TNRC6A: variants seen among roughly 807,000 people sequenced by gnomAD.
TNRC6A encodes trinucleotide repeat containing adaptor 6A.
A neutral mutation model predicts 221.2 loss-of-function variants in TNRC6A; 44 were observed. The ratio of observed to expected loss-of-function variants is 0.20; its 90% confidence interval spans 0.16 to 0.26. TNRC6A has a LOEUF of 0.26. TNRC6A is among the 10% of genes least tolerant of loss of function. The pLI is 1.00. For missense variants in TNRC6A, 2,199 were observed against 2,404.4 expected, an observed-to-expected ratio of 0.91 and a Z score of 1.79; for synonymous variants, 847 against 838.5, an observed-to-expected ratio of 1.01 and a Z score of -0.18.
At position 24,825,709 on chromosome 16, in the gene TNRC6A, C is replaced by T. The variant is rs2058849644; in HGVS notation, c.*1902C>T. 1 of 152,696 alleles carries T rather than the reference C, an allele frequency of 6.5e-6. No individual in the cohort carries two copies. The highest frequency in any genetic ancestry group is 1.5e-5 in the Non-Finnish European group (1 of 68,054). 9.5% of individuals were successfully genotyped at this position (152,696 alleles called of 1,614,324 possible). A position where few individuals can be genotyped will look rare whatever the true frequency, so the allele number is the denominator to read the frequency against. On this transcript the variant is annotated 3_prime_UTR_variant, in exon 25 of 25. Coordinates refer to ENST00000395799, the MANE Select transcript of TNRC6A (RefSeq NM_014494.4). ...GTTGCTCAAAACTCTTCTGTGACTT[C>T]ATCTTCCCCACCATTTGTGCCCATC...
At chr16:24,613,139 A>G (rs1461921304) in intron 1 of TNRC6A, among the ~76,000 whole-genome samples, 3 of 149,082 alleles carry the variant, frequency 2.0e-5, no homozygotes, top group African/African-American at 7.4e-5. Context: ...AAAAAAAAAA[A>G]AGGAATCTAT....
chr16:24,671,132 C>T (rs1228031309), intron 2 of TNRC6A: 1 of 228,272 alleles, frequency 4.4e-6, no homozygotes, highest in Admixed American at 4.7e-5. Flanking sequence ...TGACGAAGCA[C>T]CCGCCTGCTC....
Position 24,729,808 on chromosome 16 carries a change from C to T in TNRC6A, c.-34C>T. On this transcript the variant is annotated 5_prime_UTR_variant, in exon 1 of 25. Transcript: ENST00000395799. ...GGGCTTGAGGCTCGCGAGCCTCCTTCGCCGCGCCCCACTTGCTCGTGCACT... is the reference window on the plus strand; with the variant it reads ...GGGCTTGAGGCTCGCGAGCCTCCTTTGCCGCGCCCCACTTGCTCGTGCACT... 1 of 1,408,464 alleles carries T rather than the reference C, an allele frequency of 7.1e-7. No individual in the cohort carries two copies. Among genetic ancestry groups the T allele is most frequent in the Non-Finnish European group, 9.3e-7 (1 of 1,073,728 alleles). The allele number at this position is 1,408,464 out of a possible 1,614,324, so 87.2% of individuals were successfully genotyped here. A position where few individuals can be genotyped will look rare whatever the true frequency, so the allele number is the denominator to read the frequency against.
intron 15 of TNRC6A, 31 bp from the exon 16 acceptor site, chr16:24,806,175 A>G: frequency 6.2e-7 from 1 of 1,612,580 alleles, no homozygotes; most frequent in Non-Finnish European, 8.5e-7. Context: ...ATGGTGTGAT[A>G]GTAACAACCT....
intron 2 of TNRC6A, among the ~76,000 whole-genome samples, chr16:24,706,139 A>G (rs1273814068): frequency 1.3e-5 from 2 of 152,234 alleles, no homozygotes; most frequent in Non-Finnish European, 2.9e-5. Flanking sequence ...AGGAAAATGA[A>G]AGAAGAAATA....
chr16:24,765,351 C>G (rs1567441157), intron 4 of TNRC6A, among the ~76,000 whole-genome samples: 1 of 152,068 alleles, frequency 6.6e-6, no homozygotes, highest in Admixed American at 6.5e-5. Flanking sequence ...ACAGAAAAGG[C>G]CACTCACAGC....
At chr16:24,748,787 C>T (rs1047337334) in intron 2 of TNRC6A, among the ~76,000 whole-genome samples, 5 of 152,144 alleles carry the variant, frequency 3.3e-5, no homozygotes, top group Admixed American at 2.0e-4. Context: ...TCTTCAACAT[C>T]CCTACTGCCA....
chr16:24,782,398 C>G (rs1596697539), intron 5 of TNRC6A, among the ~76,000 whole-genome samples: 2 of 152,140 alleles, frequency 1.3e-5, no homozygotes, highest in South Asian at 2.1e-4. Context: ...TGGGAGGTAC[C>G]TACACCCATT....
chr16:24,757,218 C>A (rs1482613330), intron 3 of TNRC6A, among the ~76,000 whole-genome samples: 1 of 152,040 alleles, frequency 6.6e-6, no homozygotes, highest in East Asian at 1.9e-4. Flanking sequence ...TAAAACTTAG[C>A]AAAGCACTTA....
In TNRC6A at chr16:24,690,372, A is replaced by C. The variant is rs117532266; in HGVS notation, n.402+49363A>C. The stretch of plus-strand genomic sequence containing the variant: ...AACAAGGAAGGGAAATTATTTGGCC[A>C]GGAGTTCCCAATATATGGTCTTCAA... On this transcript the variant is annotated intron_variant and non_coding_transcript_variant, in intron 2 of 2. Coordinates refer to the TNRC6A transcript ENST00000566108. Among the ~76,000 whole-genome samples the C allele has an allele frequency of 4.1e-4, 63 of 152,306 alleles. No individual in the cohort carries two copies. In the East Asian group the frequency reaches 0.012, roughly 28 times the overall value.
chr16:24,745,803 C>T (rs916237997), intron 2 of TNRC6A, among the ~76,000 whole-genome samples: 4 of 148,230 alleles, frequency 2.7e-5, no homozygotes, highest in East Asian at 2.0e-4. Context: ...CATCCCCCCC[C>T]CCCCCAGCTA....
At chr16:24,691,251 T>G (rs1181456730) in intron 2 of TNRC6A, among the ~76,000 whole-genome samples, 2 of 152,114 alleles carry the variant, frequency 1.3e-5, no homozygotes, top group Non-Finnish European at 2.9e-5. Flanking sequence ...AGAGTCTTCC[T>G]CTATCACCCA....
Position 24,786,292 on chromosome 16 carries a change from T to TG in TNRC6A, c.590-2939dup, listed in dbSNP as rs199551537. ...TCAGATATAGTTCAGAGTCCTTTTTTGTTTTTTTTTGTTGTTGTTGTTGTT... is the reference window on the plus strand; with the variant it reads ...TCAGATATAGTTCAGAGTCCTTTTTTGGTTTTTTTTTGTTGTTGTTGTTGTT... On this transcript the variant is annotated intron_variant, in intron 5 of 24. Coordinates refer to ENST00000395799, the MANE Select transcript of TNRC6A (RefSeq NM_014494.4). 8.7e-3 allele frequency among the ~76,000 whole-genome samples: 1,143 copies of TG among 131,928 alleles called. 11 individuals carry two copies. The highest frequency in any genetic ancestry group is 0.031 in the African/African-American group (1,059 of 33,738). 86.5% of individuals were successfully genotyped at this position (131,928 alleles called of 152,430 possible).
intron 2 of TNRC6A, among the ~76,000 whole-genome samples, chr16:24,740,154 C>G (rs940357904): frequency 5.9e-5 from 9 of 152,200 alleles, no homozygotes; most frequent in African/African-American, 2.2e-4. Context: ...CATTATGCCA[C>G]TTCCACACTG....
Position 24,777,266 on chromosome 16 carries a change from T to C in TNRC6A, c.497T>C (p.Val166Ala). The C allele has an allele frequency of 6.2e-7, 1 of 1,614,164 alleles. No homozygotes were observed. The highest frequency in any genetic ancestry group is 1.3e-5 in the African/African-American group (1 of 75,036). The change falls in exon 5 of 25, where the codon GTT (valine) becomes GCT (alanine). Residue 166 changes from valine to alanine, a missense_variant. Around this residue, in one of 8 missense-constraint regions of TNRC6A, gnomAD observed 1,405 missense variants for 1,400.2 expected, o/e 1.00. Coordinates refer to ENST00000395799, the MANE Select transcript of TNRC6A (RefSeq NM_014494.4). The part of the protein sequence containing the change: ...PVIAANLGSA[V>A]KVLNSQSESS... ...ATAGCAGCAAACCTTGGATCTGCTG[T>C]TAAGGTGTTAAACAGCCAGTCAGAA...
At chr16:24,795,720 A>C (rs1422725257) in intron 8 of TNRC6A, 187 bp from the exon 9 acceptor site, 3 of 482,118 alleles carry the variant, frequency 6.2e-6, no homozygotes, top group Non-Finnish European at 1.1e-5. Flanking sequence ...TACATAAGTC[A>C]TTTGATCCTC....
intron 2 of TNRC6A, among the ~76,000 whole-genome samples, chr16:24,722,990 A>G (rs2056436790): frequency 6.6e-6 from 1 of 152,072 alleles, no homozygotes; most frequent in Non-Finnish European, 1.5e-5. Context: ...CTTGGGGGAA[A>G]ACTGGGAAAG....
At chr16:24,629,304 C>A (rs1312891514) in intron 1 of TNRC6A, among the ~76,000 whole-genome samples, 1 of 152,170 alleles carries the variant, frequency 6.6e-6, no homozygotes. Context: ...AAACATCTGA[C>A]AAGGCTGACT....
chr16:24,617,612 G>A (rs1408238851), intron 1 of TNRC6A, among the ~76,000 whole-genome samples: 1 of 152,152 alleles, frequency 6.6e-6, no homozygotes, highest in African/African-American at 2.4e-5. Flanking sequence ...AAAAGCTCAT[G>A]TAATCCTCAT....
Sources: gnomAD v4.1 joint callset for allele counts (sites outside exome capture counted in the v4.1 genomes callset) on GRCh38, gnomAD v4.1.1 for gene constraint, gnomAD v4.1.1 regional missense constraint, MANE v1.5 for transcripts, NCBI Gene and HGNC (gene_info 2026-07-23, HGNC 2026-07-21) for gene names.